The following ZNF407 variants were observed in gnomAD, a reference collection of about 807,000 sequenced individuals.
ZNF407 encodes the protein zinc finger protein 407.
In ZNF407, 17 loss-of-function variants were observed where a neutral mutation model predicts 131.2. The observed-to-expected ratio is 0.13, with a 90% CI of 0.09 to 0.19. The LOEUF is 0.19. ZNF407 is among the 10% of genes least tolerant of loss of function. The pLI is 1.00. For missense variants in ZNF407, 2,681 were observed against 2,830.6 expected, an observed-to-expected ratio of 0.95 and a Z score of 1.20; for synonymous variants, 1,156 against 1,062.0, an observed-to-expected ratio of 1.09 and a Z score of -1.72.
At chr18:74,875,726 C>T (rs998549440) in intron 4 of ZNF407, among the ~76,000 whole-genome samples, 1 of 151,938 alleles carries the variant, frequency 6.6e-6, no homozygotes, top group Admixed American at 6.6e-5. Context: ...AAGCAATGAT[C>T]CAATGATATA....
intron 8 of ZNF407, among the ~76,000 whole-genome samples, chr18:74,983,731 G>A (rs544790402): frequency 3.0e-4 from 46 of 152,338 alleles, no homozygotes; most frequent in Admixed American, 2.8e-3. Context: ...ACTGGGACAC[G>A]CCAGGAGCAT....
chr18:74,833,061 G>C (rs1374817194), intron 4 of ZNF407, among the ~76,000 whole-genome samples: 1 of 152,196 alleles, frequency 6.6e-6, no homozygotes, highest in African/African-American at 2.4e-5. Flanking sequence ...CCTCAGGATA[G>C]TTTGGGCATT....
At chr18:75,047,702 C>T (rs1371991550) in intron 8 of ZNF407, among the ~76,000 whole-genome samples, 4 of 152,204 alleles carry the variant, frequency 2.6e-5, no homozygotes, top group Admixed American at 2.0e-4. Flanking sequence ...AGATCACCAG[C>T]GTAATGCAAA....
chr18:74,732,923 T>C (rs1968327886), intron 3 of ZNF407, among the ~76,000 whole-genome samples: 1 of 152,178 alleles, frequency 6.6e-6, no homozygotes, highest in African/African-American at 2.4e-5. Context: ...GGTTCAATGT[T>C]TAATCAATTT....
At chr18:75,017,767 C>T (rs1434636189) in intron 8 of ZNF407, among the ~76,000 whole-genome samples, 1 of 152,166 alleles carries the variant, frequency 6.6e-6, no homozygotes, top group Non-Finnish European at 1.5e-5. Flanking sequence ...ATTGCTCCTC[C>T]TGCTTCGACC....
intron 1 of ZNF407, among the ~76,000 whole-genome samples, chr18:74,627,606 C>T (rs943476858): frequency 5.3e-5 from 8 of 152,016 alleles, no homozygotes; most frequent in African/African-American, 1.7e-4. Context: ...GCTGAGATTA[C>T]AGCCATGAGC....
At chr18:74,977,395 A>G (rs1347812944) in intron 8 of ZNF407, among the ~76,000 whole-genome samples, 1 of 152,210 alleles carries the variant, frequency 6.6e-6, no homozygotes, top group East Asian at 1.9e-4. Flanking sequence ...TGTATGGAAC[A>G]TCTCCTCAGA....
chr18:74,685,575 C>T (rs1967078151), intron 3 of ZNF407, among the ~76,000 whole-genome samples: 1 of 152,208 alleles, frequency 6.6e-6, no homozygotes, highest in South Asian at 2.1e-4. Flanking sequence ...TCCAGGCCCT[C>T]CATGACCTGA....
intron 8 of ZNF407, among the ~76,000 whole-genome samples, chr18:74,974,301 C>CT (rs1159032823): frequency 6.6e-6 from 1 of 152,152 alleles, no homozygotes; most frequent in East Asian, 1.9e-4. Context: ...ATAAACGCAT[C>CT]TTTGTAGTGA....
At chr18:75,008,459 A>C (rs1050239220) in intron 8 of ZNF407, among the ~76,000 whole-genome samples, 2 of 152,224 alleles carry the variant, frequency 1.3e-5, no homozygotes, top group Non-Finnish European at 2.9e-5. Context: ...GCTGCTCTGC[A>C]GACCTCAAAT....
intron 8 of ZNF407, among the ~76,000 whole-genome samples, chr18:74,960,293 G>C (rs1210391295): frequency 3.2e-4 from 43 of 132,500 alleles, no homozygotes; most frequent in South Asian, 1.1e-3. Context: ...GGTCCTGAGT[G>C]AGTGCTTGGT....
At position 74,632,568 on chromosome 18, in the gene ZNF407, A is replaced by G; in HGVS notation, c.1549A>G (p.Thr517Ala). 1 of 1,614,054 alleles carries G rather than the reference A, an allele frequency of 6.2e-7. No homozygotes were observed. The change falls in exon 2 of 9, where the codon ACA becomes GCA. Residue 517 changes from threonine to alanine, a missense_variant. Thr to Ala is a moderately conservative substitution (Grantham distance 58, BLOSUM62 0). Coordinates refer to ENST00000299687, the MANE Select transcript of ZNF407 (RefSeq NM_017757.3). ...RPPDSGLHSLTVKPASGSQTL... is the reference protein window; with the variant it reads ...RPPDSGLHSLAVKPASGSQTL... ...TCCGGACTCCGGGCTGCATTCCCTG[A>G]CAGTGAAGCCAGCTTCTGGCTCTCA...
intron 4 of ZNF407, among the ~76,000 whole-genome samples, chr18:74,790,180 A>G (rs1384612751): frequency 3.3e-5 from 5 of 152,210 alleles, no homozygotes; most frequent in Non-Finnish European, 7.3e-5. Flanking sequence ...ATGCATTATA[A>G]CTATGTTATT....
chr18:75,047,341 G>A (rs1475020555), intron 8 of ZNF407, among the ~76,000 whole-genome samples: 1 of 152,170 alleles, frequency 6.6e-6, no homozygotes, highest in Non-Finnish European at 1.5e-5. Context: ...AAAAAAAGCA[G>A]GGACGGCCCT....
chr18:74,872,372 A>G (rs1415982305), intron 4 of ZNF407, among the ~76,000 whole-genome samples: 4 of 152,176 alleles, frequency 2.6e-5, no homozygotes, highest in African/African-American at 9.6e-5. Context: ...GCCCTAGTTT[A>G]TTCATTTTCA....
At chr18:75,049,548 A>T (rs1973475524) in intron 8 of ZNF407, among the ~76,000 whole-genome samples, 1 of 152,118 alleles carries the variant, frequency 6.6e-6, no homozygotes, top group South Asian at 2.1e-4. Context: ...CATCTCCAAA[A>T]AGTGGTCGTT....
chr18:74,660,449 C>T (rs1469742788), intron 3 of ZNF407, among the ~76,000 whole-genome samples: 1 of 152,084 alleles, frequency 6.6e-6, no homozygotes, highest in African/African-American at 2.4e-5. Flanking sequence ...GCCTCACGTC[C>T]TGTCATGTCG....
chr18:75,036,866 A>G (rs1002884101), intron 8 of ZNF407, among the ~76,000 whole-genome samples: 5 of 152,350 alleles, frequency 3.3e-5, no homozygotes, highest in South Asian at 2.1e-4. Flanking sequence ...AGAGTTGTCA[A>G]CTGATACCAG....
chr18:74,627,579 C>T (rs1293471297), intron 1 of ZNF407, among the ~76,000 whole-genome samples: 1 of 152,070 alleles, frequency 6.6e-6, no homozygotes, highest in African/African-American at 2.4e-5. Flanking sequence ...GGTCTGCCCA[C>T]CTTGGCCTTC....
Sources: gnomAD v4.1 joint callset for allele counts (sites outside exome capture counted in the v4.1 genomes callset) on GRCh38, gnomAD v4.1.1 for gene constraint, MANE v1.5 for transcripts, NCBI Gene and HGNC (gene_info 2026-07-23, HGNC 2026-07-21) for gene names.